Variants in RAB4B observed in about 807,000 individuals in gnomAD.
RAB4B encodes RAB4B, member RAS oncogene family.
Under a neutral mutation model 28.3 loss-of-function variants are expected in RAB4B, and 15 were observed. The ratio of observed to expected loss-of-function variants is 0.53; its 90% CI spans 0.35 to 0.82. RAB4B has a LOEUF of 0.82. RAB4B is among the 40% of genes least tolerant of loss of function. The probability of loss-of-function intolerance (pLI) is 0.01; values close to 1 mark genes in which losing one functional copy is unlikely to be tolerated. For synonymous variants in RAB4B, 108 were observed against 116.3 expected, an observed-to-expected ratio of 0.93 and a Z score of 0.46; for missense variants, 244 against 288.5, an observed-to-expected ratio of 0.85 and a Z score of 1.12.
Position 40,778,341 on chromosome 19 carries a change from G to A in RAB4B, c.-35G>A, listed in dbSNP as rs2083014523. On this transcript the variant is annotated 5_prime_UTR_variant, in exon 1 of 8. Coordinates refer to ENST00000357052, the MANE Select transcript of RAB4B (RefSeq NM_016154.5). ...GCCGAGGAGCAGGCGCGGCCGCGGCGCCATATTGCGGCCCTCAGCGGCCGC... is the reference window on the plus strand; with the variant it reads ...GCCGAGGAGCAGGCGCGGCCGCGGCACCATATTGCGGCCCTCAGCGGCCGC... 1.3e-6 allele frequency: 2 copies of A among 1,493,426 alleles called. No individual in the cohort carries two copies. The allele number at this position is 1,493,426 out of a possible 1,614,324, so 92.5% of individuals were successfully genotyped here.
chr19:40,778,675 ATCTGGGCGG>A (rs2083018669), intron 1 of RAB4B, among the ~76,000 whole-genome samples: 1 of 151,762 alleles, frequency 6.6e-6, no homozygotes, highest in Non-Finnish European at 1.5e-5. Context: ...GCCTTAATGG[ATCTGGGCGG>A]AGCCTGAGTG....
intron 2 of RAB4B, 21 bp from the exon 3 acceptor site, chr19:40,780,364 T>G (rs1348870057): frequency 6.3e-7 from 1 of 1,585,042 alleles, no homozygotes; most frequent in Non-Finnish European, 8.6e-7. Context: ...GTACTGCCCC[T>G]TCTGTTCCTC....
chr19:40,791,207 C>T (rs1211082082), intron 7 of RAB4B, among the ~76,000 whole-genome samples: 2 of 152,068 alleles, frequency 1.3e-5, no homozygotes, highest in East Asian at 1.9e-4. Flanking sequence ...TGAGGCTGGT[C>T]TTGAACTCCT....
intron 7 of RAB4B, among the ~76,000 whole-genome samples, chr19:40,793,492 C>A (rs1317749750): frequency 6.6e-6 from 1 of 151,954 alleles, no homozygotes; most frequent in East Asian, 1.9e-4. Flanking sequence ...CCACCCACCT[C>A]AGCCTCCCAA....
intron 1 of RAB4B, among the ~76,000 whole-genome samples, chr19:40,778,636 G>T (rs1194220773): frequency 1.3e-5 from 2 of 152,136 alleles, no homozygotes; most frequent in Non-Finnish European, 2.9e-5. Flanking sequence ...GTCCTGAGGG[G>T]TTCAGGGAGG....
chr19:40,778,302 T>C lies in RAB4B; in HGVS notation c.-74T>C. On this transcript the variant is annotated 5_prime_UTR_variant, in exon 1 of 8. Coordinates refer to ENST00000357052, the MANE Select transcript of RAB4B (RefSeq NM_016154.5). ...GAAGGAGCCGGGGCTGTAGCCGGAG[T>C]GGAGCGGCTGCCAGCCGAGGAGCAG... 1 of 1,418,120 alleles carries C rather than the reference T, an allele frequency of 7.1e-7. No individual in the cohort carries two copies. Among genetic ancestry groups the C allele is most frequent in the East Asian group, 2.9e-5 (1 of 34,950 alleles). 87.8% of individuals were successfully genotyped at this position (1,418,120 alleles called of 1,614,324 possible). A position where few individuals can be genotyped will look rare whatever the true frequency, so the allele number is the denominator to read the frequency against.
intron 7 of RAB4B, among the ~76,000 whole-genome samples, chr19:40,791,072 G>T (rs2083154822): frequency 6.6e-6 from 1 of 151,894 alleles, no homozygotes; most frequent in Non-Finnish European, 1.5e-5. Flanking sequence ...AGCCAGGATG[G>T]TCTCGATCTC....
intron 7 of RAB4B, 123 bp downstream of exon 7, chr19:40,787,101 A>C: frequency 1.1e-6 from 1 of 951,844 alleles, no homozygotes; most frequent in East Asian, 2.7e-5. Flanking sequence ...GCAAAAACAC[A>C]CAAGCTAAAG....
intron 7 of RAB4B, among the ~76,000 whole-genome samples, chr19:40,788,479 CT>C (rs201147983): frequency 0.24 from 27,154 of 112,536 alleles, 3,165 homozygotes; most frequent in African/African-American, 0.27. Context: ...GAGCGAGACT[CT>C]TAAAAAAAAA....
intron 3 of RAB4B, among the ~76,000 whole-genome samples, chr19:40,780,892 C>T (rs748774115): frequency 6.6e-6 from 1 of 151,304 alleles, no homozygotes; most frequent in Non-Finnish European, 1.5e-5. Flanking sequence ...GACACCGAAA[C>T]AGAAAGAGAA....
intron 7 of RAB4B, among the ~76,000 whole-genome samples, chr19:40,789,318 T>A (rs1035574692): frequency 3.3e-5 from 5 of 151,992 alleles, no homozygotes; most frequent in Admixed American, 6.6e-5. Flanking sequence ...TTCTCCTGCC[T>A]CAGTCTCCTG....
intron 7 of RAB4B, among the ~76,000 whole-genome samples, chr19:40,789,205 CT>C (rs948237602): frequency 1.9e-4 from 27 of 143,690 alleles, no homozygotes; most frequent in South Asian, 2.2e-4. Flanking sequence ...CAAGAATGTA[CT>C]TTTTTTTTTT....
intron 5 of RAB4B, among the ~76,000 whole-genome samples, 177 bp downstream of exon 5, chr19:40,784,252 G>A (rs1317388560): frequency 6.6e-6 from 1 of 152,142 alleles, no homozygotes; most frequent in Admixed American, 6.6e-5. Context: ...AGCAGTTTGG[G>A]AGGCCAAGGT....
intron 7 of RAB4B, among the ~76,000 whole-genome samples, chr19:40,787,383 A>G (rs927713238): frequency 6.6e-6 from 1 of 151,838 alleles, no homozygotes; most frequent in Non-Finnish European, 1.5e-5. Context: ...AAACATACAA[A>G]AATTAGCTGG....
At chr19:40,794,596 T>G (rs1409541154) in intron 7 of RAB4B, 2 of 152,018 alleles carry the variant, frequency 1.3e-5, no homozygotes, top group African/African-American at 4.8e-5. Flanking sequence ...GCTATTCTGT[T>G]TGAATTTAAA....
chr19:40,788,452 T>C (rs186736307), intron 7 of RAB4B, among the ~76,000 whole-genome samples: 1 of 139,844 alleles, frequency 7.2e-6, no homozygotes, highest in African/African-American at 2.7e-5. Context: ...CGCCACTGCA[T>C]TCCAGCCTGG....
chr19:40,780,601 G>A, intron 3 of RAB4B, 102 bp downstream of exon 3: 2 of 935,240 alleles, frequency 2.1e-6, no homozygotes, highest in South Asian at 3.1e-5. Flanking sequence ...GGGCAGACAA[G>A]GCAGACAGAG....
intron 5 of RAB4B, among the ~76,000 whole-genome samples, chr19:40,784,925 C>T (rs2145047055): frequency 6.6e-6 from 1 of 151,204 alleles, no homozygotes; most frequent in South Asian, 2.1e-4. Context: ...ACTGCAACTT[C>T]TGCCTCAGCC....
chr19:40,784,212 C>G (rs556116560), intron 5 of RAB4B, 137 bp downstream of exon 5: 4 of 1,235,314 alleles, frequency 3.2e-6, no homozygotes, highest in Admixed American at 5.7e-5. Context: ...TGAGTGTTGG[C>G]TGGGTGTAGT....
Sources: allele counts gnomAD v4.1 joint callset (sites outside exome capture counted in the v4.1 genomes callset), GRCh38; gene constraint gnomAD v4.1.1; transcripts MANE v1.5; gene names NCBI Gene and HGNC (gene_info 2026-07-23, HGNC 2026-07-21).